Variants in P2RY12 observed in about 807,000 individuals in gnomAD.
P2RY12 encodes P2Y purinoceptor 12.
In P2RY12, 3 loss-of-function variants were observed where a neutral mutation model predicts 4.5. That is an observed-to-expected ratio of 0.67 (90% CI 0.31 to 1.74). The LOEUF (loss-of-function observed/expected upper bound fraction) is 1.74, where lower values mean the gene tolerates loss of function less well. Ranked by LOEUF, P2RY12 falls within the 40% of genes most tolerant of loss-of-function variation. The pLI is 0.09. For missense variants in P2RY12, 356 were observed against 407.8 expected (o/e 0.87, Z 1.09); for synonymous variants, 148 against 154.1 (o/e 0.96, Z 0.29).
At chr3:151,367,294 G>T (rs1269451078) in intron 1 of P2RY12, among the ~76,000 whole-genome samples, 1 of 152,124 alleles carries the variant, frequency 6.6e-6, no homozygotes, top group Non-Finnish European at 1.5e-5. Flanking sequence ...CTAATTGTCT[G>T]ACTCTTAAAT....
chr3:151,337,730 T>G lies in P2RY12; in HGVS notation c.*87A>C. 7.4e-7 allele frequency: 1 copy of G among 1,342,876 alleles called. No individual in the cohort carries two copies. 83.2% of individuals were successfully genotyped at this position (1,342,876 alleles called of 1,614,324 possible). ...AGTCATTATTATTAACTTAGTTGCT[T>G]CTTCGTCAGTTAATATTTTTACTTA... is the stretch of plus-strand genomic sequence containing the variant. On this transcript the variant is annotated 3_prime_UTR_variant, in exon 3 of 3. Coordinates refer to ENST00000302632, the MANE Select transcript of P2RY12 (RefSeq NM_022788.5).
intron 1 of P2RY12, among the ~76,000 whole-genome samples, chr3:151,378,732 C>T (rs1235872469): frequency 2.0e-5 from 3 of 151,812 alleles, no homozygotes; most frequent in Non-Finnish European, 4.4e-5. Context: ...GAAACCTCAC[C>T]CTAATGTGAA....
At position 151,368,619 on chromosome 3, in the gene P2RY12, TATTTTATTTTATTTC is replaced by T. The variant is rs1484200875; in HGVS notation, c.-180+16058_-180+16072del. Among the ~76,000 whole-genome samples, 223 of 80,678 alleles carry T rather than the reference TATTTTATTTTATTTC, an allele frequency of 2.8e-3. 1 individual carries two copies. The highest frequency in any genetic ancestry group is 3.7e-3 in the Non-Finnish European group (159 of 43,102). 52.9% of individuals were successfully genotyped at this position (80,678 alleles called of 152,430 possible). A position where few individuals can be genotyped will look rare whatever the true frequency, so the allele number is the denominator to read the frequency against. On this transcript the variant is annotated intron_variant, in intron 1 of 2. Coordinates refer to ENST00000302632, the MANE Select transcript of P2RY12 (RefSeq NM_022788.5). ...TATTTTATTTTATTTTATTTTATTT[TATTTTATTTTATTTC>T]ATTTCATTTCATTTCATTTCATTTC... is the stretch of plus-strand genomic sequence containing the variant.
chr3:151,368,131 T>C lies in P2RY12; in HGVS notation c.-180+16561A>G, dbSNP rs769162070. The C allele has an allele frequency of 1.1e-5, 18 of 1,607,660 alleles. No individual in the cohort carries two copies. The African/African-American group carries it at 2.4e-4, about 22-fold the overall frequency. ...CCAAGTGTGTTAGAAAACTTGCTTT[T>C]CCAATCCCCCTTTCCTAGCTTGTGG... On this transcript the variant is annotated intron_variant, in intron 1 of 2. Transcript: ENST00000302632.
intron 1 of P2RY12, chr3:151,366,069 T>C: frequency 8.3e-7 from 1 of 1,201,816 alleles, no homozygotes; most frequent in Non-Finnish European, 1.1e-6. Context: ...TGCTTTTGGC[T>C]TTTATTTAAT....
chr3:151,360,573 C>T, intron 1 of P2RY12: 4 of 1,612,544 alleles, frequency 2.5e-6, no homozygotes, highest in Non-Finnish European at 3.4e-6. Flanking sequence ...TGTCATGTAG[C>T]CACCTCAGAA....
At chr3:151,383,404 A>G (rs1199838930) in intron 1 of P2RY12, among the ~76,000 whole-genome samples, 1 of 152,268 alleles carries the variant, frequency 6.6e-6, no homozygotes, top group Admixed American at 6.5e-5. Context: ...TAGTAATTGT[A>G]CAGCAAACAC....
At position 151,337,688 on chromosome 3, in the gene P2RY12, ATCT is replaced by A. The variant is rs1751193025; in HGVS notation, c.*126_*128del. ...AAGGTAAATGAAAATTGCTTTTGTAATCTTCTGTTTCTTTAGAGTCATTATTAT... is the reference window on the plus strand; with the variant it reads ...AAGGTAAATGAAAATTGCTTTTGTAATCTGTTTCTTTAGAGTCATTATTAT... On this transcript the variant is annotated 3_prime_UTR_variant, in exon 3 of 3. Coordinates refer to ENST00000302632, the MANE Select transcript of P2RY12 (RefSeq NM_022788.5). 8 of 937,188 alleles carry A rather than the reference ATCT, an allele frequency of 8.5e-6. No homozygotes were observed. The highest frequency in any genetic ancestry group is 8.3e-5 in the South Asian group (5 of 60,054). The allele number at this position is 937,188 out of a possible 1,614,324, so 58.1% of individuals were successfully genotyped here. A position where few individuals can be genotyped will look rare whatever the true frequency, so the allele number is the denominator to read the frequency against.
rs761286961 is a variant in P2RY12 at position 151,338,289 on chromosome 3, C to T, written c.557G>A (p.Trp186Ter). The change falls in exon 3 of 3, where the codon TGG becomes TAG. Residue 186 changes from tryptophan (W) to a stop codon, truncating the protein, a stop_gained. Coordinates refer to ENST00000302632, the MANE Select transcript of P2RY12 (RefSeq NM_022788.5). LOFTEE classifies it low-confidence loss of function (END_TRUNC). ...SFLKSEFGLV[W>*]HEIVNYICQV... ...ACAGATGTAATTTACTATTTCATGC[C>T]AGACTAGACCGAACTCTGATTTAAG... The T allele has an allele frequency of 6.2e-7, 1 of 1,613,880 alleles. No homozygotes were observed. The highest frequency in any genetic ancestry group is 1.3e-5 in the African/African-American group (1 of 74,872).
chr3:151,373,011 G>A (rs1344183664), intron 1 of P2RY12, among the ~76,000 whole-genome samples: 1 of 152,150 alleles, frequency 6.6e-6, no homozygotes, highest in Non-Finnish European at 1.5e-5. Context: ...ATGTGGAGAT[G>A]TGGGTGCATA....
chr3:151,369,051 G>C (rs565804417), intron 1 of P2RY12, among the ~76,000 whole-genome samples: 2 of 152,000 alleles, frequency 1.3e-5, no homozygotes, highest in Non-Finnish European at 2.9e-5. Flanking sequence ...GTGAGCCACC[G>C]CACCCATCCC....
At chr3:151,338,917 A>T in intron 2 of P2RY12, 58 bp from the exon 3 acceptor site, 2 of 1,501,084 alleles carry the variant, frequency 1.3e-6, no homozygotes, top group Admixed American at 1.8e-5. Flanking sequence ...TATTGCTGTT[A>T]TCTCTGTGTG....
intron 1 of P2RY12, among the ~76,000 whole-genome samples, chr3:151,383,497 A>T (rs527834933): frequency 2.6e-5 from 4 of 152,364 alleles, no homozygotes; most frequent in Admixed American, 1.3e-4. Context: ...ACTGGACATC[A>T]TAAAAGATTT....
intron 1 of P2RY12, among the ~76,000 whole-genome samples, chr3:151,378,803 T>G (rs535409029): frequency 6.6e-6 from 1 of 152,216 alleles, no homozygotes; most frequent in Non-Finnish European, 1.5e-5. Flanking sequence ...TAAAAAAATA[T>G]TTTAAGCACA....
At chr3:151,350,687 A>G (rs1753117669) in intron 1 of P2RY12, among the ~76,000 whole-genome samples, 1 of 152,116 alleles carries the variant, frequency 6.6e-6, no homozygotes, top group African/African-American at 2.4e-5. Flanking sequence ...TTCTTGCATT[A>G]TTGAGAAAAA....
chr3:151,357,150 A>T (rs1754034460), intron 1 of P2RY12: 1 of 1,378,116 alleles, frequency 7.3e-7, no homozygotes, highest in East Asian at 2.4e-5. Context: ...GTTTATAAAA[A>T]TAAATGTTTT....
intron 1 of P2RY12, among the ~76,000 whole-genome samples, chr3:151,352,245 T>C (rs1753322800): frequency 6.6e-6 from 1 of 152,226 alleles, no homozygotes; most frequent in Non-Finnish European, 1.5e-5. Context: ...TTTCTACTTG[T>C]GACATTATGT....
At chr3:151,356,841 TG>T (rs1341162361) in intron 1 of P2RY12, among the ~76,000 whole-genome samples, 1 of 152,190 alleles carries the variant, frequency 6.6e-6, no homozygotes, top group African/African-American at 2.4e-5. Context: ...TGGTTTCCTT[TG>T]TTTATTTTAT....
At chr3:151,369,579 G>A in intron 1 of P2RY12, 1 of 1,412,736 alleles carries the variant, frequency 7.1e-7, no homozygotes. Flanking sequence ...AAGCTTCTTG[G>A]TTAATCACCA....
Sources: allele counts gnomAD v4.1 joint callset (sites outside exome capture counted in the v4.1 genomes callset), GRCh38; gene constraint gnomAD v4.1.1; transcripts MANE v1.5; gene names NCBI Gene and HGNC (gene_info 2026-07-23, HGNC 2026-07-21).